Variants in CTNND2 observed in about 807,000 individuals in gnomAD.
CTNND2 encodes catenin delta-2.
Under a neutral mutation model 144.4 loss-of-function variants are expected in CTNND2, and 22 were observed. The observed-to-expected ratio is 0.15, with a 90% CI of 0.11 to 0.22. CTNND2 has a LOEUF of 0.22. Ranked by LOEUF, CTNND2 falls within the 10% of genes least tolerant of loss-of-function variation. CTNND2 has a pLI of 1.00. For synonymous variants in CTNND2, 751 were observed against 695.6 expected (o/e 1.08, Z -1.25); for missense variants, 1,353 against 1,618.8 (o/e 0.84, Z 2.82).
intron 2 of CTNND2, among the ~76,000 whole-genome samples, chr5:11,633,804 G>C (rs1411545123): frequency 6.6e-6 from 1 of 151,562 alleles, no homozygotes; most frequent in East Asian, 1.9e-4. Context: ...AGTACAACTT[G>C]ATAGAAACGT....
chr5:11,688,494 A>G (rs1028300673), intron 2 of CTNND2, among the ~76,000 whole-genome samples: 5 of 152,240 alleles, frequency 3.3e-5, no homozygotes, highest in Non-Finnish European at 7.3e-5. Context: ...AATTCTCAGC[A>G]CTTTCAGCAA....
rs1371153533 is a variant in CTNND2, at chr5:11,541,839, C to A, written c.287+23105G>T. ...TTGTCAACTTATTATTTATTATCGA[C>A]CCCCCCCCCCCGGCCAAAAGCCTTT... On this transcript the variant is annotated intron_variant, in intron 3 of 21. Coordinates refer to ENST00000304623, the MANE Select transcript of CTNND2 (RefSeq NM_001332.4). 2.0e-4 allele frequency among the ~76,000 whole-genome samples: 13 copies of A among 64,050 alleles called. No homozygotes were observed. The East Asian group carries it at 5.5e-3, about 27-fold the overall frequency. The allele number at this position is 64,050 out of a possible 152,430, so 42.0% of individuals were successfully genotyped here.
intron 12 of CTNND2, among the ~76,000 whole-genome samples, chr5:11,159,085 T>G (rs1560944615): frequency 6.6e-6 from 1 of 152,184 alleles, no homozygotes; most frequent in Non-Finnish European, 1.5e-5. Flanking sequence ...ACAGGCCTTA[T>G]TAAAGAGCTA....
rs1785020295 is a variant in CTNND2 at position 11,693,876 on chromosome 5, T to G, written c.174+38260A>C. Among the ~76,000 whole-genome samples the G allele has an allele frequency of 2.0e-5, 3 of 152,356 alleles. No individual in the cohort carries two copies. The South Asian group carries it at 6.2e-4, about 32-fold the overall frequency. ...AAAGGGTTAAGTTCCTGCAAGCCTT[T>G]GGTCACAATGTTTTCATCAACTAAT... On this transcript the variant is annotated intron_variant, in intron 2 of 21. Coordinates refer to ENST00000304623, the MANE Select transcript of CTNND2 (RefSeq NM_001332.4).
At chr5:11,652,903 TC>T (rs1782716100) in intron 2 of CTNND2, among the ~76,000 whole-genome samples, 1 of 152,284 alleles carries the variant, frequency 6.6e-6, no homozygotes, top group Admixed American at 6.5e-5. Context: ...ATAGCAATCA[TC>T]TTTCTACTCT....
intron 2 of CTNND2, among the ~76,000 whole-genome samples, chr5:11,584,807 A>T (rs1425965618): frequency 6.6e-6 from 1 of 152,196 alleles, no homozygotes; most frequent in Non-Finnish European, 1.5e-5. Flanking sequence ...CCCTAAAGAT[A>T]CGTTTTGTTT....
intron 6 of CTNND2, among the ~76,000 whole-genome samples, chr5:11,396,697 G>C (rs917479605): frequency 5.3e-5 from 8 of 151,958 alleles, no homozygotes; most frequent in Non-Finnish European, 5.9e-5. Flanking sequence ...CACAAATTCA[G>C]AATGTATATC....
chr5:11,014,774 A>G (rs1741437361), intron 18 of CTNND2, among the ~76,000 whole-genome samples: 1 of 152,206 alleles, frequency 6.6e-6, no homozygotes, highest in South Asian at 2.1e-4. Flanking sequence ...GTTCGACAAG[A>G]AAATGAGCAT....
chr5:11,523,692 T>A (rs963056495), intron 3 of CTNND2, among the ~76,000 whole-genome samples: 4 of 152,214 alleles, frequency 2.6e-5, no homozygotes, highest in Admixed American at 6.5e-5. Context: ...TGAAAAGAAC[T>A]AATGCACCGG....
chr5:11,579,788 C>T (rs1200714978), intron 2 of CTNND2, among the ~76,000 whole-genome samples: 4 of 152,118 alleles, frequency 2.6e-5, no homozygotes, highest in Non-Finnish European at 5.9e-5. Context: ...ATCTTTGTGT[C>T]CCCTGAAACT....
intron 3 of CTNND2, among the ~76,000 whole-genome samples, chr5:11,485,380 C>CGTGTGT (rs1561461953): frequency 6.8e-6 from 1 of 146,682 alleles, no homozygotes; most frequent in African/African-American, 2.6e-5. Flanking sequence ...TGTGTGCGCG[C>CGTGTGT]GCGCGCGTGC....
intron 16 of CTNND2, among the ~76,000 whole-genome samples, chr5:11,064,918 A>G (rs1747396236): frequency 6.6e-6 from 1 of 152,204 alleles, no homozygotes; most frequent in Admixed American, 6.5e-5. Context: ...ACCCAGTTCA[A>G]GCTGGTCGCT....
intron 7 of CTNND2, among the ~76,000 whole-genome samples, chr5:11,381,273 A>C (rs1241409273): frequency 6.6e-6 from 1 of 152,074 alleles, no homozygotes; most frequent in Non-Finnish European, 1.5e-5. Flanking sequence ...CTATTCTCCA[A>C]ATGGCAGCCG....
chr5:11,178,226 G>A (rs1316161187), intron 11 of CTNND2, among the ~76,000 whole-genome samples: 19 of 152,176 alleles, frequency 1.2e-4, no homozygotes. Flanking sequence ...ATCAAAGATG[G>A]ATGAGCATCA....
At chr5:11,116,335 G>A (rs917319912) in intron 13 of CTNND2, among the ~76,000 whole-genome samples, 1 of 152,168 alleles carries the variant, frequency 6.6e-6, no homozygotes, top group African/African-American at 2.4e-5. Flanking sequence ...TCCAGTGGGC[G>A]GAAGCCAGGG....
At chr5:11,430,819 T>C (rs1763229344) in intron 3 of CTNND2, among the ~76,000 whole-genome samples, 1 of 152,236 alleles carries the variant, frequency 6.6e-6, no homozygotes, top group Non-Finnish European at 1.5e-5. Flanking sequence ...GGTTAGTATA[T>C]GGAAAATGCA....
At chr5:11,425,115 G>A (rs1467075604) in intron 3 of CTNND2, among the ~76,000 whole-genome samples, 2 of 152,220 alleles carry the variant, frequency 1.3e-5, no homozygotes, top group South Asian at 2.1e-4. Context: ...ATTGCCATAT[G>A]TTCTCAGGGA....
intron 11 of CTNND2, among the ~76,000 whole-genome samples, chr5:11,196,782 G>C (rs1363020061): frequency 6.6e-6 from 1 of 151,594 alleles, no homozygotes; most frequent in Non-Finnish European, 1.5e-5. Flanking sequence ...TCAGAGCAGA[G>C]CCTCACCACT....
At chr5:11,897,663 C>T (rs995705000) in intron 1 of CTNND2, among the ~76,000 whole-genome samples, 2 of 152,138 alleles carry the variant, frequency 1.3e-5, no homozygotes, top group African/African-American at 4.8e-5. Flanking sequence ...GTTGGCTATA[C>T]ATAAATCTGC....
Sources: allele counts gnomAD v4.1 joint callset (sites outside exome capture counted in the v4.1 genomes callset), GRCh38; gene constraint gnomAD v4.1.1; transcripts MANE v1.5; gene names NCBI Gene and HGNC (gene_info 2026-07-23, HGNC 2026-07-21).